Variants in EXOC4 observed in about 807,000 individuals in gnomAD.
EXOC4 encodes exocyst complex component 4.
Under a neutral mutation model 107.2 loss-of-function variants are expected in EXOC4, and 71 were observed. The ratio of observed to expected loss-of-function variants is 0.66; its 90% confidence interval spans 0.55 to 0.81. EXOC4 has a LOEUF of 0.81. Ranked by LOEUF, EXOC4 falls within the 30% of genes least tolerant of loss-of-function variation. The pLI is 0.00. For missense variants in EXOC4, 1,108 were observed against 1,189.6 expected (o/e 0.93, Z 1.01); for synonymous variants, 456 against 441.2 (o/e 1.03, Z -0.42).
chr7:133,357,709 G>A (rs1005242525), intron 6 of EXOC4, among the ~76,000 whole-genome samples: 1 of 152,064 alleles, frequency 6.6e-6, no homozygotes, highest in Non-Finnish European at 1.5e-5. Context: ...GTTCTCTATA[G>A]ACTTATTTAA....
At chr7:133,518,777 A>G (rs1481464159) in intron 9 of EXOC4, among the ~76,000 whole-genome samples, 3 of 152,134 alleles carry the variant, frequency 2.0e-5, no homozygotes, top group Non-Finnish European at 4.4e-5. Flanking sequence ...ATGGTATCTA[A>G]AGTAGTCACA....
At chr7:133,504,024 TAC>T (rs754254932) in intron 9 of EXOC4, among the ~76,000 whole-genome samples, 4 of 151,564 alleles carry the variant, frequency 2.6e-5, no homozygotes, top group African/African-American at 9.7e-5. Flanking sequence ...CACACACGTA[TAC>T]ACACACACAC....
At chr7:133,866,041 A>G (rs1038836109) in intron 11 of EXOC4, among the ~76,000 whole-genome samples, 3 of 152,298 alleles carry the variant, frequency 2.0e-5, no homozygotes, top group Non-Finnish European at 2.9e-5. Context: ...GAAGGGGGAC[A>G]TATAATAACT....
chr7:133,956,347 A>C lies in EXOC4; in HGVS notation c.2206+18278A>C, dbSNP rs73440871. On this transcript the variant is annotated intron_variant, in intron 14 of 17. Transcript: ENST00000253861. ...GGATGGGATTTTCTGACAGACAAGCAGACTAACAACAGTTCTTCCTCCCTG... is the reference window on the plus strand; with the variant it reads ...GGATGGGATTTTCTGACAGACAAGCCGACTAACAACAGTTCTTCCTCCCTG... 3.3e-3 allele frequency among the ~76,000 whole-genome samples: 510 copies of C among 152,354 alleles called. 5 individuals are homozygous for C. Among genetic ancestry groups the C allele is most frequent in the African/African-American group, 0.012 (492 of 41,582 alleles).
chr7:133,942,239 A>G (rs1471651730), intron 14 of EXOC4, among the ~76,000 whole-genome samples: 2 of 151,454 alleles, frequency 1.3e-5, no homozygotes, highest in Non-Finnish European at 2.9e-5. Context: ...CTCCTTGATT[A>G]TATATTCTAC....
intron 7 of EXOC4, among the ~76,000 whole-genome samples, chr7:133,437,714 T>C (rs1418329328): frequency 6.6e-6 from 1 of 152,230 alleles, no homozygotes; most frequent in Non-Finnish European, 1.5e-5. Context: ...TAAGCTCCTC[T>C]GCTTCCCATC....
intron 2 of EXOC4, among the ~76,000 whole-genome samples, chr7:133,283,126 G>T (rs1276291818): frequency 6.6e-6 from 1 of 152,178 alleles, no homozygotes; most frequent in Non-Finnish European, 1.5e-5. Flanking sequence ...TTATTTTTGA[G>T]ACAGGGTCGC....
chr7:133,550,726 G>A lies in EXOC4; in HGVS notation c.1417+70588G>A, dbSNP rs190774157. 2.0e-5 allele frequency among the ~76,000 whole-genome samples: 3 copies of A among 152,218 alleles called. No homozygotes were observed. The East Asian group carries it at 5.8e-4, about 29-fold the overall frequency. ...GAGTTCCCTAACTTCACAAATGAGGGCATGTTCCTAGCTTCCACATTAGAA... is the reference window on the plus strand; with the variant it reads ...GAGTTCCCTAACTTCACAAATGAGGACATGTTCCTAGCTTCCACATTAGAA... On this transcript the variant is annotated intron_variant, in intron 9 of 17. Transcript: ENST00000253861.
At chr7:134,005,222 T>G in intron 16 of EXOC4, 132 bp downstream of exon 16, 1 of 861,004 alleles carries the variant, frequency 1.2e-6, no homozygotes, top group Non-Finnish European at 1.8e-6. Flanking sequence ...GAACTAAATC[T>G]GCAATACCTA....
chr7:134,097,904 C>T, the EXOC4 span, among the ~76,000 whole-genome samples: 3 of 152,256 alleles, frequency 2.0e-5, no homozygotes, highest in East Asian at 5.8e-4. Context: ...TCAGTACTGC[C>T]TTCTGATCAA....
At chr7:133,801,631 G>A (rs1478478762) in intron 10 of EXOC4, among the ~76,000 whole-genome samples, 1 of 152,098 alleles carries the variant, frequency 6.6e-6, no homozygotes, top group Admixed American at 6.5e-5. Flanking sequence ...GCTGTTAGGG[G>A]AAATGGCCAA....
intron 11 of EXOC4, among the ~76,000 whole-genome samples, chr7:133,876,797 ATTTC>A (rs1047322870): frequency 6.6e-6 from 1 of 151,164 alleles, no homozygotes; most frequent in Non-Finnish European, 1.5e-5. Flanking sequence ...TTCAAATCTC[ATTTC>A]TTTCTTTCTT....
At chr7:133,483,667 C>G (rs944674232) in intron 9 of EXOC4, among the ~76,000 whole-genome samples, 1 of 152,214 alleles carries the variant, frequency 6.6e-6, no homozygotes, top group Non-Finnish European at 1.5e-5. Context: ...TTTAGGTGAG[C>G]TGACATATTA....
intron 5 of EXOC4, among the ~76,000 whole-genome samples, chr7:133,331,096 A>G (rs971460470): frequency 1.3e-5 from 2 of 152,196 alleles, no homozygotes; most frequent in Non-Finnish European, 2.9e-5. Flanking sequence ...ATCAGATATA[A>G]AACATTTACT....
intron 9 of EXOC4, among the ~76,000 whole-genome samples, chr7:133,548,055 CA>C (rs1219305393): frequency 1.3e-5 from 2 of 151,798 alleles, no homozygotes; most frequent in Non-Finnish European, 2.9e-5. Flanking sequence ...CTTAAGAATC[CA>C]AATGACTCCT....
chr7:134,029,522 A>G (rs1411617119), intron 17 of EXOC4, among the ~76,000 whole-genome samples: 1 of 151,938 alleles, frequency 6.6e-6, no homozygotes, highest in African/African-American at 2.4e-5. Flanking sequence ...CTTTTATTTT[A>G]TTTATTGCTT....
intron 11 of EXOC4, among the ~76,000 whole-genome samples, chr7:133,861,813 C>T (rs1291627076): frequency 6.6e-6 from 1 of 152,126 alleles, no homozygotes; most frequent in Non-Finnish European, 1.5e-5. Context: ...GGATTATAGG[C>T]GTGAGCCACC....
chr7:133,928,289 C>T (rs1173722750), intron 13 of EXOC4, among the ~76,000 whole-genome samples: 1 of 152,096 alleles, frequency 6.6e-6, no homozygotes, highest in African/African-American at 2.4e-5. Context: ...TGCCTGTGAT[C>T]AAGCCTGGGT....
chr7:133,291,911 G>T, intron 3 of EXOC4, among the ~76,000 whole-genome samples: 1 of 150,818 alleles, frequency 6.6e-6, no homozygotes. Flanking sequence ...TATCACATAT[G>T]CATGGATCTG....
Sources: gnomAD v4.1 joint callset for allele counts (sites outside exome capture counted in the v4.1 genomes callset) on GRCh38, gnomAD v4.1.1 for gene constraint, MANE v1.5 for transcripts, NCBI Gene and HGNC (gene_info 2026-07-23, HGNC 2026-07-21) for gene names.